SLC8A3: variants seen among roughly 807,000 people sequenced by gnomAD.
SLC8A3 encodes sodium/calcium exchanger 3.
Under a neutral mutation model 65.4 loss-of-function variants are expected in SLC8A3, and 37 were observed. The observed-to-expected ratio is 0.57, with a 90% CI of 0.44 to 0.74. SLC8A3 has a LOEUF of 0.74. Ranked by LOEUF, SLC8A3 falls within the 30% of genes least tolerant of loss-of-function variation. The pLI is 0.00. For missense variants in SLC8A3, 1,112 were observed against 1,172.1 expected, an observed-to-expected ratio of 0.95 and a Z score of 0.75; for synonymous variants, 461 against 444.5, an observed-to-expected ratio of 1.04 and a Z score of -0.47.
chr14:70,120,557 T>A (rs1893986469), intron 2 of SLC8A3, among the ~76,000 whole-genome samples: 1 of 152,224 alleles, frequency 6.6e-6, no homozygotes, highest in African/African-American at 2.4e-5. Flanking sequence ...GCTCTAGCAG[T>A]ACATGCCTGT....
intron 2 of SLC8A3, among the ~76,000 whole-genome samples, chr14:70,152,300 C>T (rs1319215014): frequency 6.6e-6 from 1 of 152,166 alleles, no homozygotes; most frequent in Non-Finnish European, 1.5e-5. Flanking sequence ...CTTCCCACAT[C>T]CCGCCAACAC....
chr14:70,167,081 A>C lies in SLC8A3; in HGVS notation c.1342T>G (p.Phe448Val). Residue 448 changes from phenylalanine (F) to valine (V), a missense_variant, in exon 2 of 7, where the codon TTC (phenylalanine) becomes GTC (valine). By Grantham distance (50) the Phe-to-Val change is conservative. Coordinates refer to ENST00000356921, the MANE Select transcript of SLC8A3 (RefSeq NM_182932.3). ...GSANAGADYE[F>V]TEGTVVLKPG... ...TTCAGAACCACCGTGCCCTCTGTGA[A>C]CTCATAGTCAGCCCCTGCATTGGCA... The C allele has an allele frequency of 6.2e-7, 1 of 1,613,966 alleles. No homozygotes were observed. Among genetic ancestry groups the C allele is most frequent in the East Asian group, 2.2e-5 (1 of 44,874 alleles).
chr14:70,176,588 G>C (rs943332007), intron 1 of SLC8A3, among the ~76,000 whole-genome samples: 4 of 152,254 alleles, frequency 2.6e-5, no homozygotes, highest in African/African-American at 9.6e-5. Flanking sequence ...TTTGGACTGA[G>C]AGAAGGACTC....
intron 2 of SLC8A3, among the ~76,000 whole-genome samples, chr14:70,123,938 C>T (rs1894261459): frequency 6.6e-6 from 1 of 152,140 alleles, no homozygotes; most frequent in South Asian, 2.1e-4. Flanking sequence ...GCCTCCCTCC[C>T]AGGCTCCGGT....
At chr14:70,067,432 A>G (rs1303441159) in intron 2 of SLC8A3, among the ~76,000 whole-genome samples, 1 of 152,172 alleles carries the variant, frequency 6.6e-6, no homozygotes, top group Non-Finnish European at 1.5e-5. Flanking sequence ...TTCAAGGACT[A>G]ACCAGACCCC....
rs769930678 is a variant in SLC8A3 at position 70,060,859 on chromosome 14, T to C, written c.1865A>G (p.Lys622Arg). Residue 622 changes from lysine to arginine, a missense_variant, in exon 3 of 7, where the codon AAA becomes AGA. By Grantham distance (26) the Lys-to-Arg change is conservative. Transcript: ENST00000356921. ...ENFFIALGEP[K>R]WMERGISDVT... ...ACCTGATATTCCACGTTCCATCCAT[T>C]TCGGTTCACCAAGGGCAATGAAGAA... The C allele has an allele frequency of 1.3e-6, 2 of 1,519,778 alleles. No homozygotes were observed. Among genetic ancestry groups the C allele is most frequent in the Admixed American group, 2.1e-5 (1 of 48,700 alleles). The allele number at this position is 1,519,778 out of a possible 1,614,324, so 94.1% of individuals were successfully genotyped here. A position where few individuals can be genotyped will look rare whatever the true frequency, so the allele number is the denominator to read the frequency against.
intron 1 of SLC8A3, among the ~76,000 whole-genome samples, chr14:70,175,369 C>CA (rs1897836193): frequency 1.3e-5 from 2 of 152,130 alleles, no homozygotes; most frequent in Admixed American, 6.5e-5. Flanking sequence ...ATAATTTACC[C>CA]AAGGTCTACC....
chr14:70,095,723 A>G (rs1379455829), intron 2 of SLC8A3, among the ~76,000 whole-genome samples: 1 of 152,152 alleles, frequency 6.6e-6, no homozygotes, highest in Non-Finnish European at 1.5e-5. Context: ...TCATCTGAAG[A>G]GAGAGGGAAA....
chr14:70,079,018 T>C (rs1384006084), intron 2 of SLC8A3, among the ~76,000 whole-genome samples: 2 of 152,212 alleles, frequency 1.3e-5, no homozygotes, highest in African/African-American at 4.8e-5. Context: ...TATTCTTCTG[T>C]TATGTACTTA....
chr14:70,079,622 C>A (rs1343036322), intron 2 of SLC8A3, among the ~76,000 whole-genome samples: 2 of 152,156 alleles, frequency 1.3e-5, no homozygotes, highest in Admixed American at 1.3e-4. Context: ...CATGTCCGGG[C>A]ATCATAATGG....
At chr14:70,125,431 C>G (rs77780607) in intron 2 of SLC8A3, among the ~76,000 whole-genome samples, 1,545 of 152,080 alleles carry the variant, frequency 0.01, 25 homozygotes, top group African/African-American at 0.035. Context: ...GTGGAATTTG[C>G]CTTTCTGTTT....
chr14:70,063,947 A>G lies in SLC8A3; in HGVS notation c.1785-3008T>C, dbSNP rs767251533. 6.4e-6 allele frequency: 9 copies of G among 1,397,814 alleles called. No individual in the cohort carries two copies. The African/African-American group carries it at 1.3e-4, about 20-fold the overall frequency. 86.6% of individuals were successfully genotyped at this position (1,397,814 alleles called of 1,614,324 possible). A position where few individuals can be genotyped will look rare whatever the true frequency, so the allele number is the denominator to read the frequency against. On this transcript the variant is annotated intron_variant, in intron 2 of 6. Coordinates refer to ENST00000356921, the MANE Select transcript of SLC8A3 (RefSeq NM_182932.3). The stretch of plus-strand genomic sequence containing the variant: ...TTGTTTTGCTGTGGATGGAAAAATA[A>G]GTATCATAAGCAAGGAGTAGAGTGT...
intron 2 of SLC8A3, among the ~76,000 whole-genome samples, chr14:70,097,865 G>T (rs1892293114): frequency 6.6e-6 from 1 of 152,066 alleles, no homozygotes; most frequent in South Asian, 2.1e-4. Context: ...AGAAGCCAAG[G>T]GTGCACTTGG....
intron 2 of SLC8A3, among the ~76,000 whole-genome samples, chr14:70,111,444 C>T (rs1307813478): frequency 2.0e-5 from 3 of 152,166 alleles, no homozygotes; most frequent in Non-Finnish European, 4.4e-5. Context: ...GGATCAAGGG[C>T]CATGTTGAAT....
At chr14:70,055,125 C>T (rs1887941625) in intron 3 of SLC8A3, among the ~76,000 whole-genome samples, 1 of 152,152 alleles carries the variant, frequency 6.6e-6, no homozygotes, top group African/African-American at 2.4e-5. Context: ...CTAGATTCTG[C>T]ATGAGAATCT....
At chr14:70,111,138 T>C (rs1482676663) in intron 2 of SLC8A3, among the ~76,000 whole-genome samples, 4 of 152,224 alleles carry the variant, frequency 2.6e-5, no homozygotes, top group Non-Finnish European at 4.4e-5. Context: ...CAACAGTGTA[T>C]GAAAGCTCCG....
chr14:70,072,318 C>T (rs1051275442), intron 2 of SLC8A3, among the ~76,000 whole-genome samples: 6 of 152,120 alleles, frequency 3.9e-5, no homozygotes, highest in Non-Finnish European at 2.9e-5. Context: ...AGGATATGAT[C>T]ACAGGCAAGG....
At chr14:70,123,256 A>T (rs1894207442) in intron 2 of SLC8A3, among the ~76,000 whole-genome samples, 2 of 151,920 alleles carry the variant, frequency 1.3e-5, no homozygotes, top group South Asian at 2.1e-4. Context: ...AAAAAAAAAA[A>T]TTTATAAATA....
intron 2 of SLC8A3, among the ~76,000 whole-genome samples, chr14:70,129,811 C>A (rs1326685205): frequency 6.6e-6 from 1 of 152,188 alleles, no homozygotes; most frequent in Non-Finnish European, 1.5e-5. Flanking sequence ...AGGGCATGTG[C>A]TTTCTGTGAA....
Sources: gnomAD v4.1 joint callset for allele counts (sites outside exome capture counted in the v4.1 genomes callset) on GRCh38, gnomAD v4.1.1 for gene constraint, MANE v1.5 for transcripts, NCBI Gene and HGNC (gene_info 2026-07-23, HGNC 2026-07-21) for gene names.